JAG1: variants seen among roughly 807,000 people sequenced by gnomAD.
JAG1 encodes the protein protein jagged-1.
JAG1 carries 23 observed loss-of-function variants against 148.7 expected under a neutral mutation model. That is an observed-to-expected ratio of 0.15 (90% CI 0.11 to 0.22). The LOEUF is 0.22. Among genes scored for constraint, JAG1 ranks in the 10% least tolerant of loss-of-function variants. The pLI is 1.00. For synonymous variants in JAG1, 572 were observed against 598.3 expected, an observed-to-expected ratio of 0.96 and a Z score of 0.64; for missense variants, 1,054 against 1,611.2, an observed-to-expected ratio of 0.65 and a Z score of 5.92.
intron 7 of JAG1, 143 bp downstream of exon 7, chr20:10,651,988 G>A (rs193273145): frequency 7.1e-6 from 7 of 979,890 alleles, no homozygotes; most frequent in Admixed American, 3.8e-5. Flanking sequence ...AAGTTACAAA[G>A]GCTTATAGAA....
At chr20:10,651,206 T>C (rs1198179487) in intron 8 of JAG1, 2 of 202,942 alleles carry the variant, frequency 9.9e-6, no homozygotes, top group Non-Finnish European at 2.0e-5. Flanking sequence ...CAGGTTCTTC[T>C]CTGGGGCCCC....
At chr20:10,649,475 G>T in intron 10 of JAG1, 47 bp downstream of exon 10, 1 of 1,221,704 alleles carries the variant, frequency 8.2e-7, no homozygotes, top group Non-Finnish European at 1.2e-6. Context: ...CCAGCAAGTC[G>T]GCTACCCAAG....
intron 2 of JAG1, among the ~76,000 whole-genome samples, chr20:10,671,379 C>T (rs2067493774): frequency 6.6e-6 from 1 of 152,198 alleles, no homozygotes; most frequent in African/African-American, 2.4e-5. Flanking sequence ...TTATAAACCC[C>T]TTTTCATGGC....
intron 2 of JAG1, 95 bp from the exon 3 acceptor site, chr20:10,664,109 A>G: frequency 1.0e-6 from 1 of 953,608 alleles, no homozygotes; most frequent in Non-Finnish European, 1.7e-6. Flanking sequence ...CCACCAAACA[A>G]AACCATAATG....
rs765431150 is a variant in JAG1, at chr20:10,641,800, G to A, written c.2665C>T (p.Arg889Trp). Residue 889 changes from arginine to tryptophan, a missense_variant, in exon 22 of 26, where the codon CGG (arginine) becomes TGG (tryptophan). Coordinates refer to ENST00000254958, the MANE Select transcript of JAG1 (RefSeq NM_000214.3). ...DCNTCQCLNG[R>W]IACSKVWCGP... ...TGTCCTACCTTTGAGCAGGCGATCC[G>A]TCCATTCAGGCACTGGCAGGTATTA... 4.6e-5 allele frequency: 74 copies of A among 1,613,588 alleles called. No individual in the cohort carries two copies. Among genetic ancestry groups the A allele is most frequent in the South Asian group, 1.6e-4 (15 of 91,082 alleles).
In JAG1 at chr20:10,651,380, T is replaced by G; in HGVS notation, c.1120+201A>C. 3 of 569,106 alleles carry G rather than the reference T, an allele frequency of 5.3e-6. No individual in the cohort carries two copies. In the South Asian group the frequency reaches 6.6e-5, roughly 13 times the overall value. 35.3% of individuals were successfully genotyped at this position (569,106 alleles called of 1,614,324 possible). ...GACGTTCCTTCCAAGAACAGATACA[T>G]GCGCTACCTTAGTGGGACAGGATGG... On this transcript the variant is annotated intron_variant, in intron 8 of 25. Transcript: ENST00000254958.
intron 2 of JAG1, among the ~76,000 whole-genome samples, chr20:10,667,610 G>A (rs901702140): frequency 6.6e-6 from 1 of 152,136 alleles, no homozygotes; most frequent in South Asian, 2.1e-4. Context: ...TAGCATCTAG[G>A]CTAAGACTTC....
At position 10,641,797 on chromosome 20, in the gene JAG1, T is replaced by G; in HGVS notation, c.2668A>C (p.Ile890Leu). 2 of 1,613,862 alleles carry G rather than the reference T, an allele frequency of 1.2e-6. No homozygotes were observed. Among genetic ancestry groups the G allele is most frequent in the Non-Finnish European group, 1.7e-6 (2 of 1,179,736 alleles). The change falls in exon 22 of 26, where the codon ATC becomes CTC. Residue 890 changes from isoleucine to leucine, a missense_variant. This residue lies in a region of JAG1 where 342 missense variants were observed against 514.6 expected (regional missense o/e 0.66). Transcript: ENST00000254958. ...CNTCQCLNGR[I>L]ACSKVWCGPR... ...TCATGTCCTACCTTTGAGCAGGCGA[T>G]CCGTCCATTCAGGCACTGGCAGGTA...
At chr20:10,653,458 C>T (rs1431340866) in intron 5 of JAG1, among the ~76,000 whole-genome samples, 1 of 150,842 alleles carries the variant, frequency 6.6e-6, no homozygotes, top group African/African-American at 2.4e-5. Flanking sequence ...GCGTCTCAAA[C>T]CACTCTCCCT....
rs1163210928 is a variant in JAG1, at chr20:10,648,126, A to G, written c.1570-16T>C. 1.2e-6 allele frequency: 2 copies of G among 1,614,184 alleles called. No homozygotes were observed. Among genetic ancestry groups the G allele is most frequent in the East Asian group, 4.5e-5 (2 of 44,880 alleles). ...CGATGTCCAGCTGCAAATATCAGGA[A>G]CAGCGAAAAGGGGGAGGGATCAGAG... On this transcript the variant is annotated splice_polypyrimidine_tract_variant and intron_variant, in intron 12 of 25. Coordinates refer to ENST00000254958, the MANE Select transcript of JAG1 (RefSeq NM_000214.3).
intron 2 of JAG1, among the ~76,000 whole-genome samples, chr20:10,666,601 C>A (rs2067455521): frequency 6.6e-6 from 1 of 152,188 alleles, no homozygotes; most frequent in South Asian, 2.1e-4. Context: ...GCCGAAGAGT[C>A]ACCTGGCTTT....
Position 10,645,575 on chromosome 20 carries a change from G to T in JAG1, c.2000-106C>A. 1 of 877,880 alleles carries T rather than the reference G, an allele frequency of 1.1e-6. No individual in the cohort carries two copies. Among genetic ancestry groups the T allele is most frequent in the Non-Finnish European group, 1.9e-6 (1 of 530,460 alleles). 54.4% of individuals were successfully genotyped at this position (877,880 alleles called of 1,614,324 possible). ...GCTTACATCCAACATCCTATTCTGA[G>T]AACAGCCACAGTCGTAGTACTTTAA... On this transcript the variant is annotated intron_variant, in intron 15 of 25. Transcript: ENST00000254958. The surrounding 1 kb of genome is among the most constrained non-coding windows in gnomAD (Gnocchi z 6.1).
rs55917221 is a variant in JAG1, at chr20:10,650,565, G to A, written c.1121-205C>T. 1,896 of 570,260 alleles carry A rather than the reference G, an allele frequency of 3.3e-3. 4 individuals are homozygous for A. The highest frequency in any genetic ancestry group is 0.018 in the African/African-American group (960 of 53,558). The allele number at this position is 570,260 out of a possible 1,614,324, so 35.3% of individuals were successfully genotyped here. ...TAAATCCCCCACTGCCCCAGTTCAT[G>A]TAATCCCCAACCTAAGCAGTGGGGG... is the stretch of plus-strand genomic sequence containing the variant. On this transcript the variant is annotated intron_variant, in intron 8 of 25. Transcript: ENST00000254958.
chr20:10,644,404 T>C lies in JAG1; in HGVS notation c.2345-20A>G, dbSNP rs1444649205. 3.7e-6 allele frequency: 6 copies of C among 1,607,978 alleles called. No homozygotes were observed. The highest frequency in any genetic ancestry group is 3.3e-5 in the Admixed American group (2 of 59,896). On this transcript the variant is annotated intron_variant, in intron 18 of 25. Coordinates refer to ENST00000254958, the MANE Select transcript of JAG1 (RefSeq NM_000214.3). Reference sequence around the variant, plus strand: ...TGGTATCTGCAAAGAAAAGACAACTTAATAGTGAGGACTTCAACAGGGAAA... The same window carrying C: ...TGGTATCTGCAAAGAAAAGACAACTCAATAGTGAGGACTTCAACAGGGAAA...
chr20:10,657,761 C>T (rs904863013), intron 4 of JAG1, among the ~76,000 whole-genome samples: 3 of 152,174 alleles, frequency 2.0e-5, no homozygotes, highest in Non-Finnish European at 4.4e-5. Flanking sequence ...TAAAAGTGGG[C>T]CCACTCCTAC....
intron 3 of JAG1, among the ~76,000 whole-genome samples, chr20:10,662,906 A>T (rs1351195310): frequency 1.3e-5 from 2 of 152,190 alleles, no homozygotes; most frequent in Non-Finnish European, 2.9e-5. Context: ...TCTCTGGCAC[A>T]TCGGAGCTCA....
intron 5 of JAG1, chr20:10,652,856 CTCTCT>C (rs2067356077): frequency 7.2e-6 from 3 of 415,914 alleles, no homozygotes; most frequent in Admixed American, 7.1e-5. Context: ...CACAAAGCCA[CTCTCT>C]TCTCAGGCTC....
intron 13 of JAG1, chr20:10,647,343 T>A (rs1271089170): frequency 1.2e-5 from 7 of 570,730 alleles, no homozygotes; most frequent in Non-Finnish European, 2.2e-5. Context: ...AAAACCCACA[T>A]GCTTGTGGAT....
chr20:10,662,395 C>CA (rs2067423583), intron 3 of JAG1: 1 of 152,406 alleles, frequency 6.6e-6, no homozygotes, highest in Non-Finnish European at 1.5e-5. Flanking sequence ...GTGAATGCTG[C>CA]AGTGTGGCGG....
Sources: allele counts gnomAD v4.1 joint callset (sites outside exome capture counted in the v4.1 genomes callset), GRCh38; gene constraint gnomAD v4.1.1; regional missense constraint gnomAD v4.1.1; non-coding constraint Gnocchi (gnomAD v3.1); transcripts MANE v1.5; gene names NCBI Gene and HGNC (gene_info 2026-07-23, HGNC 2026-07-21).